Variants in AKAP19 observed in about 807,000 individuals in gnomAD.
AKAP19 encodes the protein small A-kinase anchoring protein.
chr2:189,952,028 G>C, the AKAP19 span, among the ~76,000 whole-genome samples: 1 of 152,100 alleles, frequency 6.6e-6, no homozygotes, highest in South Asian at 2.1e-4. Context: ...TCTTCCACTG[G>C]TTTCCCCCAT....
chr2:189,942,217 C>T, the AKAP19 span, among the ~76,000 whole-genome samples: 3 of 152,102 alleles, frequency 2.0e-5, no homozygotes, highest in Non-Finnish European at 4.4e-5. Context: ...TGTTTTCATG[C>T]TAGTGAGTTC....
chr2:189,901,014 C>A, the AKAP19 span, among the ~76,000 whole-genome samples: 1 of 152,140 alleles, frequency 6.6e-6, no homozygotes, highest in African/African-American at 2.4e-5. Context: ...GTTATTTGCA[C>A]GGGAGGTCTG....
At chr2:190,195,141 C>T in the AKAP19 span, among the ~76,000 whole-genome samples, 7 of 152,104 alleles carry the variant, frequency 4.6e-5, no homozygotes, top group South Asian at 2.1e-4. Flanking sequence ...GGATTGTAGG[C>T]GTGACTATGC....
chr2:189,946,690 T>C, the AKAP19 span, among the ~76,000 whole-genome samples: 8 of 152,196 alleles, frequency 5.3e-5, no homozygotes, highest in Non-Finnish European at 1.2e-4. Flanking sequence ...AGTAAATAGG[T>C]ACATGTGTCA....
the AKAP19 span, among the ~76,000 whole-genome samples, chr2:189,995,492 A>C: frequency 6.6e-6 from 1 of 152,044 alleles, no homozygotes; most frequent in African/African-American, 2.4e-5. Flanking sequence ...TTTTACCTTA[A>C]GTTTACATGA....
At chr2:189,971,933 G>T in the AKAP19 span, among the ~76,000 whole-genome samples, 1 of 151,328 alleles carries the variant, frequency 6.6e-6, no homozygotes, top group Admixed American at 6.6e-5. Flanking sequence ...TCTGTAGGTT[G>T]CCTGTTCACT....
At chr2:190,075,406 T>A in the AKAP19 span, among the ~76,000 whole-genome samples, 1 of 152,218 alleles carries the variant, frequency 6.6e-6, no homozygotes, top group South Asian at 2.1e-4. Flanking sequence ...CAGGTTTGTT[T>A]AAGTTCTATA....
chr2:189,988,430 A>T, the AKAP19 span, among the ~76,000 whole-genome samples: 4 of 152,220 alleles, frequency 2.6e-5, no homozygotes, highest in East Asian at 3.8e-4. Context: ...TTACAAGAAC[A>T]GTTTAGCCTT....
At chr2:190,016,879 G>A in the AKAP19 span, among the ~76,000 whole-genome samples, 1 of 152,044 alleles carries the variant, frequency 6.6e-6, no homozygotes, top group Non-Finnish European at 1.5e-5. Context: ...ATTAAAAGTT[G>A]GAGTATTGAG....
chr2:190,016,637 T>C, the AKAP19 span, among the ~76,000 whole-genome samples: 1 of 152,252 alleles, frequency 6.6e-6, no homozygotes, highest in East Asian at 1.9e-4. Flanking sequence ...TTTCATACAA[T>C]TGTGATCAGA....
chr2:189,889,615 T>TGTCTATTA, the AKAP19 span, among the ~76,000 whole-genome samples: 1 of 152,332 alleles, frequency 6.6e-6, no homozygotes, highest in South Asian at 2.1e-4. Context: ...AACTTATTAT[T>TGTCTATTA]GGCCTATTCA....
At chr2:189,978,700 C>T in the AKAP19 span, among the ~76,000 whole-genome samples, 168 of 152,172 alleles carry the variant, frequency 1.1e-3, 1 homozygote, top group African/African-American at 3.9e-3. Flanking sequence ...TGGCCTTCAA[C>T]TACATCCATG....
the AKAP19 span, among the ~76,000 whole-genome samples, chr2:190,002,388 A>G: frequency 6.6e-6 from 1 of 152,046 alleles, no homozygotes; most frequent in Non-Finnish European, 1.5e-5. Context: ...TTTCACTCCC[A>G]TTAGTTTCTA....
At chr2:189,896,521 T>A in the AKAP19 span, among the ~76,000 whole-genome samples, 2 of 152,134 alleles carry the variant, frequency 1.3e-5, no homozygotes, top group Non-Finnish European at 2.9e-5. Context: ...CTTTCCCAAC[T>A]ACCAAATATA....
the AKAP19 span, among the ~76,000 whole-genome samples, chr2:189,967,978 G>GA: frequency 2.4e-3 from 362 of 151,972 alleles, 2 homozygotes; most frequent in Middle Eastern, 0.017. Context: ...TGTAATTCAG[G>GA]AAAAAAAATT....
chr2:189,913,450 A>G, the AKAP19 span, among the ~76,000 whole-genome samples: 5 of 152,090 alleles, frequency 3.3e-5, no homozygotes, highest in Non-Finnish European at 5.9e-5. Context: ...ACACTTTAAT[A>G]TATTTTTTAA....
At chr2:189,884,585 A>G in the AKAP19 span, among the ~76,000 whole-genome samples, 1 of 152,230 alleles carries the variant, frequency 6.6e-6, no homozygotes, top group South Asian at 2.1e-4. Flanking sequence ...CAAAGACTTT[A>G]TTGAAGCAAT....
the AKAP19 span, among the ~76,000 whole-genome samples, chr2:190,058,987 CAT>C: frequency 0.07 from 10,588 of 151,318 alleles, 867 homozygotes; most frequent in African/African-American, 0.2. Context: ...TGAAGTAAAA[CAT>C]GTGTGTGTGT....
chr2:190,137,693 T>C, the AKAP19 span: 2 of 152,182 alleles, frequency 1.3e-5, no homozygotes, highest in Admixed American at 1.3e-4. Context: ...ATACTGATTA[T>C]TGGGTGAAAA....
Sources: gnomAD v4.1 joint callset for allele counts (sites outside exome capture counted in the v4.1 genomes callset) on GRCh38, gnomAD v4.1.1 for gene constraint, MANE v1.5 for transcripts, NCBI Gene and HGNC (gene_info 2026-07-23, HGNC 2026-07-21) for gene names.